CCDC6: variants seen among roughly 807,000 people sequenced by gnomAD.
The protein encoded by CCDC6 is coiled-coil domain-containing protein 6.
A neutral mutation model predicts 56.6 loss-of-function variants in CCDC6; 20 were observed. The observed-to-expected ratio is 0.35, with a 90% CI of 0.25 to 0.51. The LOEUF (loss-of-function observed/expected upper bound fraction) is 0.51. Among genes scored for constraint, CCDC6 ranks in the 20% least tolerant of loss-of-function variants. The pLI is 0.95. For missense variants in CCDC6, 367 were observed against 601.1 expected, an observed-to-expected ratio of 0.61 and a Z score of 4.07; for synonymous variants, 241 against 234.4, an observed-to-expected ratio of 1.03 and a Z score of -0.26.
rs145549025 is a variant in CCDC6, at chr10:59,801,409, A to G, written c.1105+3011T>C. ...AAGTTCTGTGCTGCCGGTCGCCATC[A>G]CTGATCTCCACTCCTAATTGTACTT... On this transcript the variant is annotated intron_variant, in intron 7 of 8. Coordinates refer to ENST00000263102, the MANE Select transcript of CCDC6 (RefSeq NM_005436.5). Among the ~76,000 whole-genome samples, 901 of 152,250 alleles carry G rather than the reference A, an allele frequency of 5.9e-3. 9 individuals are homozygous for G. Among genetic ancestry groups the G allele is most frequent in the African/African-American group, 0.021 (863 of 41,540 alleles).
intron 1 of CCDC6, among the ~76,000 whole-genome samples, chr10:59,871,157 G>T (rs892724824): frequency 6.6e-6 from 1 of 152,084 alleles, no homozygotes; most frequent in Non-Finnish European, 1.5e-5. Context: ...TACATGAGGA[G>T]AGTTTATATT....
chr10:59,874,812 G>A lies in CCDC6; in HGVS notation c.304-22110C>T, dbSNP rs924892947. ...GAGGATGAGGAAGGGGCCATGAGATGCAGGTAGCCTCTAGAAGTTGGAGAG... is the reference window on the plus strand; with the variant it reads ...GAGGATGAGGAAGGGGCCATGAGATACAGGTAGCCTCTAGAAGTTGGAGAG... On this transcript the variant is annotated intron_variant, in intron 1 of 8. Transcript: ENST00000263102. Among the ~76,000 whole-genome samples the A allele has an allele frequency of 2.0e-5, 3 of 152,194 alleles. No homozygotes were observed. In the East Asian group the frequency reaches 5.8e-4, roughly 29 times the overall value.
At chr10:59,851,258 A>C (rs999165213) in intron 2 of CCDC6, among the ~76,000 whole-genome samples, 3 of 152,132 alleles carry the variant, frequency 2.0e-5, no homozygotes, top group Admixed American at 1.3e-4. Context: ...TAGGTAAAAT[A>C]AGTCATTTAA....
intron 4 of CCDC6, among the ~76,000 whole-genome samples, chr10:59,814,389 G>A (rs1156415256): frequency 1.3e-5 from 2 of 152,134 alleles, no homozygotes; most frequent in African/African-American, 4.8e-5. Flanking sequence ...GTGAACAATA[G>A]CAGCATGACT....
At chr10:59,876,073 C>CTTTTTTTTT (rs1172379933) in intron 1 of CCDC6, among the ~76,000 whole-genome samples, 37,618 of 96,562 alleles carry the variant, frequency 0.39, 12,566 homozygotes, top group East Asian at 0.63. Flanking sequence ...GCACAGATGT[C>CTTTTTTTTT]TTTTTTTTTT....
chr10:59,877,689 A>G (rs2071296377), intron 1 of CCDC6, among the ~76,000 whole-genome samples: 1 of 152,198 alleles, frequency 6.6e-6, no homozygotes, highest in South Asian at 2.1e-4. Context: ...GAATATGTTA[A>G]GTTAAATGTG....
intron 3 of CCDC6, among the ~76,000 whole-genome samples, chr10:59,828,342 A>C (rs1430693830): frequency 6.6e-6 from 1 of 152,218 alleles, no homozygotes; most frequent in Non-Finnish European, 1.5e-5. Flanking sequence ...TGTGTGCTAC[A>C]AAGACCACAC....
intron 1 of CCDC6, among the ~76,000 whole-genome samples, chr10:59,902,478 C>T (rs930882216): frequency 7.9e-5 from 12 of 151,016 alleles, no homozygotes; most frequent in Non-Finnish European, 1.6e-4. Flanking sequence ...ACTGCAACCT[C>T]CACCTCCTGG....
At chr10:59,904,906 C>T (rs2071531265) in intron 1 of CCDC6, among the ~76,000 whole-genome samples, 1 of 148,710 alleles carries the variant, frequency 6.7e-6, no homozygotes, top group Admixed American at 6.6e-5. Flanking sequence ...CCACCGAAGG[C>T]ATTTCCTGGC....
intron 1 of CCDC6, among the ~76,000 whole-genome samples, chr10:59,897,386 T>C (rs1415361501): frequency 6.6e-6 from 1 of 152,020 alleles, no homozygotes; most frequent in Non-Finnish European, 1.5e-5. Flanking sequence ...CCCGAGTAGC[T>C]GGGATTACAG....
At chr10:59,904,874 G>A (rs942972661) in intron 1 of CCDC6, among the ~76,000 whole-genome samples, 3 of 152,220 alleles carry the variant, frequency 2.0e-5, no homozygotes, top group South Asian at 2.1e-4. Flanking sequence ...ACACGCGTGC[G>A]CACACATATA....
intron 1 of CCDC6, among the ~76,000 whole-genome samples, chr10:59,896,601 C>A (rs1256851376): frequency 2.5e-4 from 37 of 145,450 alleles, no homozygotes; most frequent in East Asian, 6.0e-4. Flanking sequence ...AAAAAAAAAA[C>A]AAACAAAAAC....
intron 5 of CCDC6, among the ~76,000 whole-genome samples, chr10:59,809,843 A>C (rs1171926060): frequency 6.6e-6 from 1 of 152,234 alleles, no homozygotes; most frequent in Admixed American, 6.5e-5. Flanking sequence ...TTAAAGTCTC[A>C]GTTTCCAAGA....
intron 2 of CCDC6, among the ~76,000 whole-genome samples, chr10:59,847,975 C>T (rs908778024): frequency 1.2e-4 from 18 of 152,056 alleles, no homozygotes; most frequent in African/African-American, 3.9e-4. Context: ...CACGTCTATG[C>T]GGGTTTTCTC....
chr10:59,795,762 T>C (rs2070511307), intron 7 of CCDC6, among the ~76,000 whole-genome samples: 1 of 151,988 alleles, frequency 6.6e-6, no homozygotes, highest in Non-Finnish European at 1.5e-5. Flanking sequence ...TTACTGAGAA[T>C]GATGATTTCC....
At chr10:59,833,603 A>G (rs2070851687) in intron 2 of CCDC6, among the ~76,000 whole-genome samples, 1 of 122,724 alleles carries the variant, frequency 8.1e-6, no homozygotes, top group Non-Finnish European at 1.6e-5. Flanking sequence ...GGAGGTTCTC[A>G]TTAATAATCG....
At position 59,788,997 on chromosome 10, in the gene CCDC6, C is replaced by A. The variant is rs1300663433; in HGVS notation, c.*3920G>T. On this transcript the variant is annotated 3_prime_UTR_variant, in exon 9 of 9. Transcript: ENST00000263102. The stretch of plus-strand genomic sequence containing the variant: ...TATGCAGAGGCAAAAGGCATGCTAG[C>A]GCTTGGCTCTCCTCTTTTCCTTGTT... The A allele has an allele frequency of 1.8e-5, 4 of 219,842 alleles. No individual in the cohort carries two copies. The highest frequency in any genetic ancestry group is 5.8e-5 in the Admixed American group (1 of 17,300). 13.6% of individuals were successfully genotyped at this position (219,842 alleles called of 1,614,324 possible).
In CCDC6 at chr10:59,806,942, G is replaced by A. The variant is rs765659898; in HGVS notation, c.984C>T (p.Ser328=). 6.2e-6 allele frequency: 10 copies of A among 1,613,800 alleles called. No homozygotes were observed. The highest frequency in any genetic ancestry group is 8.5e-6 in the Non-Finnish European group (10 of 1,179,940). ...CACACCTTTCGTCGTCCATTTCTAA[G>A]CTGGACTCACTCTCGGAGAGCTGTC... The part of the protein sequence containing the change: ...LCRQLSESES[S]LEMDDERYFN... Residue 328 remains serine (S), a synonymous_variant, in exon 6 of 9, where the codon AGC becomes AGT. Transcript: ENST00000263102.
intron 6 of CCDC6, chr10:59,805,062 C>A (rs764708864): frequency 3.2e-5 from 5 of 155,328 alleles, no homozygotes; most frequent in Admixed American, 3.1e-4. Context: ...TGAACACCTA[C>A]AGCAGGTCAC....
Sources: allele counts gnomAD v4.1 joint callset (sites outside exome capture counted in the v4.1 genomes callset), GRCh38; gene constraint gnomAD v4.1.1; transcripts MANE v1.5; gene names NCBI Gene and HGNC (gene_info 2026-07-23, HGNC 2026-07-21).